The following RPS6KL1 variants were observed in gnomAD, a reference collection of about 807,000 sequenced individuals.
RPS6KL1 encodes the protein ribosomal protein S6 kinase like 1, also known as ribosomal protein S6 kinase-like 1.
Under a neutral mutation model 57.0 loss-of-function variants are expected in RPS6KL1, and 41 were observed. That is an observed-to-expected ratio of 0.72 (90% CI 0.56 to 0.93). The LOEUF (loss-of-function observed/expected upper bound fraction) is 0.93, where lower values mean the gene tolerates loss of function less well. RPS6KL1 is among the 40% of genes least tolerant of loss of function. The probability of loss-of-function intolerance (pLI) is 0.00; values close to 1 mark genes in which losing one functional copy is unlikely to be tolerated. For synonymous variants in RPS6KL1, 287 were observed against 309.7 expected, an observed-to-expected ratio of 0.93 and a Z score of 0.77; for missense variants, 697 against 727.7, an observed-to-expected ratio of 0.96 and a Z score of 0.49.
chr14:74,921,933 C>T, intron 2 of RPS6KL1, 45 bp downstream of exon 2: 1 of 281,266 alleles, frequency 3.6e-6, no homozygotes, highest in South Asian at 5.3e-5. Context: ...ACTTGCCTAC[C>T]ACACCTGGCT....
Position 74,907,022 on chromosome 14 carries a change from C to A in RPS6KL1, c.1642G>T (p.Val548Leu). Residue 548 changes from valine to leucine, a missense_variant, in exon 12 of 12, where the codon GTG (valine) becomes TTG (leucine). Physicochemically the swap from Val to Leu is conservative, Grantham distance 32. Transcript: ENST00000557413. ...FFSTIQWSKLVG is the reference protein window; with the variant it reads ...FFSTIQWSKLLG ...TCACCCGCTCTGCCCTCTTACCCCA[C>A]CAGCTTGCTCCATTGGATGGTACTG... 6.2e-7 allele frequency: 1 copy of A among 1,610,298 alleles called. No homozygotes were observed. Among genetic ancestry groups the A allele is most frequent in the South Asian group, 1.1e-5 (1 of 90,566 alleles).
At position 74,911,348 on chromosome 14, in the gene RPS6KL1, C is replaced by T. The variant is rs1196692873; in HGVS notation, c.564G>A (p.Glu188=). ...SLPRCHMVSR[E]RLTIIPHGVP... ...CTCCGTGTGGGATGATGGTCAGCCG[C>T]TCCCTGCTCACCATGTGGCACCTGG... Residue 188 remains glutamate (E), a synonymous_variant, in exon 7 of 12, where the codon GAG becomes GAA. Transcript: ENST00000557413. 2.5e-6 allele frequency: 4 copies of T among 1,610,044 alleles called. No homozygotes were observed. The Admixed American group carries it at 6.7e-5, about 27-fold the overall frequency.
At chr14:74,911,018 C>G (rs576868668) in intron 7 of RPS6KL1, 4 of 433,694 alleles carry the variant, frequency 9.2e-6, no homozygotes, top group African/African-American at 6.1e-5. Context: ...ATTACAGGCA[C>G]GTGCAAGCAC....
At position 74,919,032 on chromosome 14, in the gene RPS6KL1, G is replaced by A. The variant is rs1400635359; in HGVS notation, c.391-427C>T. 7.2e-5 allele frequency among the ~76,000 whole-genome samples: 11 copies of A among 152,284 alleles called. No homozygotes were observed. In the East Asian group the frequency reaches 1.4e-3, roughly 19 times the overall value. Reference sequence around the variant, plus strand: ...CTCTACTAAAATACAAAAATTAGCCGAGCATGGTGGCGCCTGCCTGTAACT... The same window carrying A: ...CTCTACTAAAATACAAAAATTAGCCAAGCATGGTGGCGCCTGCCTGTAACT... On this transcript the variant is annotated intron_variant, in intron 4 of 11. Coordinates refer to ENST00000557413, the MANE Select transcript of RPS6KL1 (RefSeq NM_031464.5).
Position 74,906,923 on chromosome 14 carries a change from C to CGGAT in RPS6KL1, c.*90_*91insATCC. On this transcript the variant is annotated 3_prime_UTR_variant, in exon 12 of 12. Transcript: ENST00000557413. ...CCCTCCATTCCTCGCCCAAAGCCCGCTGATAGAGGGCCAGCCCTGGGTTGG... is the reference window on the plus strand; with the variant it reads ...CCCTCCATTCCTCGCCCAAAGCCCGCGGATTGATAGAGGGCCAGCCCTGGGTTGG... The CGGAT allele has an allele frequency of 9.9e-7, 1 of 1,010,254 alleles. No individual in the cohort carries two copies. Among genetic ancestry groups the CGGAT allele is most frequent in the Non-Finnish European group, 1.6e-6 (1 of 636,400 alleles). 62.6% of individuals were successfully genotyped at this position (1,010,254 alleles called of 1,614,324 possible).
In RPS6KL1 at chr14:74,910,070, C is replaced by G; in HGVS notation, c.743G>C (p.Arg248Thr). Residue 248 changes from arginine (R) to threonine (T), a missense_variant, in exon 8 of 12, where the codon AGG becomes ACG. By Grantham distance (71) the Arg-to-Thr change is moderately conservative (BLOSUM62 -1). Coordinates refer to ENST00000557413, the MANE Select transcript of RPS6KL1 (RefSeq NM_031464.5). The part of the protein sequence containing the change: ...SGLSSGSTQE[R>T]MKAQLNPHLN... ...GTGGGGGTTGAGCTGAGCCTTCATC[C>G]TCTCCTGGGTAGAGCCAGAGCTGAG... The G allele has an allele frequency of 6.2e-7, 1 of 1,609,862 alleles. No individual in the cohort carries two copies. The highest frequency in any genetic ancestry group is 8.5e-7 in the Non-Finnish European group (1 of 1,178,646).
intron 5 of RPS6KL1, among the ~76,000 whole-genome samples, chr14:74,913,602 G>C (rs1242018018): frequency 6.6e-6 from 1 of 152,142 alleles, no homozygotes; most frequent in East Asian, 1.9e-4. Context: ...GAAAGCCCTT[G>C]GTGAGTGGAA....
chr14:74,909,047 C>G, intron 9 of RPS6KL1, 54 bp downstream of exon 9: 1 of 1,593,670 alleles, frequency 6.3e-7, no homozygotes, highest in East Asian at 2.2e-5. Flanking sequence ...CTGGGCACAA[C>G]CCACACAAAG....
chr14:74,921,882 A>G (rs1887922037), intron 2 of RPS6KL1, 96 bp downstream of exon 2: 1 of 397,610 alleles, frequency 2.5e-6, no homozygotes, highest in South Asian at 4.6e-5. Flanking sequence ...GGTTCAAGCA[A>G]TTCTCCTGCC....
rs1481836017 is a variant in RPS6KL1 at position 74,909,775 on chromosome 14, A to C, written c.1038T>G (p.Thr346=). 4 of 1,606,632 alleles carry C rather than the reference A, an allele frequency of 2.5e-6. No homozygotes were observed. The highest frequency in any genetic ancestry group is 3.4e-6 in the Non-Finnish European group (4 of 1,177,426). ...NSDAGPPRGL[T]WVPEGAGPVL... ...CCGGGCCGGCCCCCTCAGGAACCCA[A>C]GTGAGCCCCCGAGGGGGCCCAGCGT... Residue 346 remains threonine (T), a synonymous_variant, in exon 8 of 12, where the codon ACT becomes ACG. Coordinates refer to ENST00000557413, the MANE Select transcript of RPS6KL1 (RefSeq NM_031464.5).
intron 9 of RPS6KL1, 74 bp from the exon 10 acceptor site, chr14:74,909,006 C>T (rs1885405643): frequency 8.3e-6 from 13 of 1,569,636 alleles, no homozygotes; most frequent in Admixed American, 1.7e-5. Context: ...CCTACCCAGA[C>T]ACCACCCACC....
rs1329671342 is a variant in RPS6KL1, at chr14:74,911,714, A to C, written c.531+80T>G. 4.6e-6 allele frequency: 6 copies of C among 1,317,478 alleles called. No individual in the cohort carries two copies. The East Asian group carries it at 1.3e-4, about 28-fold the overall frequency. The allele number at this position is 1,317,478 out of a possible 1,614,324, so 81.6% of individuals were successfully genotyped here. A position where few individuals can be genotyped will look rare whatever the true frequency, so the allele number is the denominator to read the frequency against. On this transcript the variant is annotated intron_variant, in intron 6 of 11. Transcript: ENST00000557413. The stretch of plus-strand genomic sequence containing the variant: ...GGGAGGGAGTGCAGGCTTCAAATGC[A>C]GGTTCTGGGTAGGAGTTTCCAAGAG...
intron 10 of RPS6KL1, among the ~76,000 whole-genome samples, chr14:74,908,392 T>G (rs1189883805): frequency 6.6e-6 from 1 of 152,162 alleles, no homozygotes; most frequent in African/African-American, 2.4e-5. Context: ...GGGGATCTTT[T>G]GAGCTCTTGG....
chr14:74,914,155 G>A (rs1457616718), intron 5 of RPS6KL1, among the ~76,000 whole-genome samples: 1 of 152,250 alleles, frequency 6.6e-6, no homozygotes, highest in African/African-American at 2.4e-5. Flanking sequence ...CAGCAGGAGC[G>A]AGGTGTCCTC....
chr14:74,911,638 T>G, intron 6 of RPS6KL1, 156 bp downstream of exon 6: 2 of 729,160 alleles, frequency 2.7e-6, no homozygotes, highest in Non-Finnish European at 4.7e-6. Context: ...TGCATGCATG[T>G]GTGTCCATCT....
In RPS6KL1 at chr14:74,909,636, C is replaced by T. The variant is rs1885563537; in HGVS notation, c.1177G>A (p.Ala393Thr). ...TCCAGCGCTACCAGCATCTCTGCCGCCCACTGCTTCACCTGCTCCTCTCTC... is the reference window on the plus strand; with the variant it reads ...TCCAGCGCTACCAGCATCTCTGCCGTCCACTGCTTCACCTGCTCCTCTCTC... ...SVREEQVKQWAAEMLVALEAL... is the reference protein window; with the variant it reads ...SVREEQVKQWTAEMLVALEAL... Residue 393 changes from alanine to threonine, a missense_variant, in exon 8 of 12, where the codon GCG becomes ACG. Coordinates refer to ENST00000557413, the MANE Select transcript of RPS6KL1 (RefSeq NM_031464.5). The T allele has an allele frequency of 6.2e-7, 1 of 1,611,604 alleles. No individual in the cohort carries two copies.
intron 5 of RPS6KL1, among the ~76,000 whole-genome samples, chr14:74,917,234 ATTGTT>A (rs780999971): frequency 1.3e-5 from 2 of 152,196 alleles, no homozygotes; most frequent in Admixed American, 6.5e-5. Flanking sequence ...TTTCCCCAAA[ATTGTT>A]TTGTTTTACC....
chr14:74,922,882 C>T (rs1888071068), intron 1 of RPS6KL1, among the ~76,000 whole-genome samples: 1 of 152,304 alleles, frequency 6.6e-6, no homozygotes, highest in African/African-American at 2.4e-5. Context: ...AGCTGAATCC[C>T]GGCCAGGATG....
chr14:74,908,764 G>T, intron 10 of RPS6KL1, 86 bp downstream of exon 10: 2 of 1,223,412 alleles, frequency 1.6e-6, no homozygotes, highest in Non-Finnish European at 1.2e-6. Flanking sequence ...GGCAGTCTCT[G>T]CCCAGACTGG....
Sources: allele counts gnomAD v4.1 joint callset (sites outside exome capture counted in the v4.1 genomes callset), GRCh38; gene constraint gnomAD v4.1.1; transcripts MANE v1.5; gene names NCBI Gene and HGNC (gene_info 2026-07-23, HGNC 2026-07-21).